The following MACROD2 variants were observed in gnomAD, a reference collection of about 807,000 sequenced individuals.
The protein encoded by MACROD2 is mono-ADP ribosylhydrolase 2.
MACROD2 carries 36 observed loss-of-function variants against 70.4 expected under a neutral mutation model. That is an observed-to-expected ratio of 0.51 (90% CI 0.39 to 0.68). The LOEUF (loss-of-function observed/expected upper bound fraction) is 0.68, where lower values mean the gene tolerates loss of function less well. Ranked by LOEUF, MACROD2 falls within the 30% of genes least tolerant of loss-of-function variation. The pLI is 0.00. For missense variants in MACROD2, 496 were observed against 538.4 expected, an observed-to-expected ratio of 0.92 and a Z score of 0.78; for synonymous variants, 172 against 178.8, an observed-to-expected ratio of 0.96 and a Z score of 0.30.
chr20:14,900,898 T>C (rs2122549313), intron 5 of MACROD2, among the ~76,000 whole-genome samples: 1 of 152,154 alleles, frequency 6.6e-6, no homozygotes, highest in East Asian at 1.9e-4. Context: ...TTTGTGGATG[T>C]GCTCTGAAAT....
intron 6 of MACROD2, among the ~76,000 whole-genome samples, chr20:15,397,952 G>A (rs868363892): frequency 8.5e-5 from 13 of 152,230 alleles, no homozygotes; most frequent in South Asian, 6.2e-4. Flanking sequence ...TTAGAGCAGA[G>A]AAAAACTATA....
At chr20:15,334,903 A>G (rs1386724777) in intron 6 of MACROD2, among the ~76,000 whole-genome samples, 1 of 151,718 alleles carries the variant, frequency 6.6e-6, no homozygotes, top group East Asian at 1.9e-4. Flanking sequence ...GATGAAACCA[A>G]TAAGGATACT....
chr20:15,988,855 T>A (rs577972738), intron 15 of MACROD2, among the ~76,000 whole-genome samples: 1 of 152,308 alleles, frequency 6.6e-6, no homozygotes, highest in African/African-American at 2.4e-5. Context: ...GTGTTTAAAT[T>A]TGAAATAATT....
chr20:14,384,602 C>T (rs931961289), intron 3 of MACROD2, among the ~76,000 whole-genome samples: 3 of 152,040 alleles, frequency 2.0e-5, no homozygotes, highest in Admixed American at 1.3e-4. Flanking sequence ...TGACCATCTG[C>T]CAAGTGTAAA....
chr20:16,016,221 A>G (rs901076711), intron 15 of MACROD2, among the ~76,000 whole-genome samples: 16 of 152,094 alleles, frequency 1.1e-4, no homozygotes, highest in Admixed American at 4.6e-4. Context: ...TTGGTTTTCT[A>G]CCTCTACAAA....
intron 3 of MACROD2, among the ~76,000 whole-genome samples, chr20:14,242,123 G>A (rs1010283686): frequency 2.0e-5 from 3 of 152,180 alleles, no homozygotes; most frequent in Non-Finnish European, 4.4e-5. Context: ...GTTCATTTGG[G>A]TTATTCAAAA....
At chr20:15,030,304 A>G (rs951658792) in intron 5 of MACROD2, among the ~76,000 whole-genome samples, 2 of 152,122 alleles carry the variant, frequency 1.3e-5, no homozygotes, top group Non-Finnish European at 2.9e-5. Flanking sequence ...CTACACAAAA[A>G]TTTTTAAAAA....
At chr20:15,641,639 A>G (rs947809448) in intron 8 of MACROD2, among the ~76,000 whole-genome samples, 1 of 152,220 alleles carries the variant, frequency 6.6e-6, no homozygotes, top group Non-Finnish European at 1.5e-5. Flanking sequence ...CTTCTATTTC[A>G]TCCTAACACA....
chr20:15,082,468 G>A (rs933832010), intron 5 of MACROD2, among the ~76,000 whole-genome samples: 3 of 150,892 alleles, frequency 2.0e-5, no homozygotes, highest in Non-Finnish European at 4.4e-5. Context: ...TGAAGTCATG[G>A]AGAAATCCTT....
At chr20:14,868,845 A>G (rs764485470) in intron 5 of MACROD2, among the ~76,000 whole-genome samples, 1 of 152,150 alleles carries the variant, frequency 6.6e-6, no homozygotes, top group Non-Finnish European at 1.5e-5. Flanking sequence ...GTATTGCCAT[A>G]TTGAACTGGA....
chr20:15,540,656 A>G (rs758462630), intron 8 of MACROD2, among the ~76,000 whole-genome samples: 6 of 152,224 alleles, frequency 3.9e-5, no homozygotes, highest in Non-Finnish European at 7.3e-5. Flanking sequence ...AGCTTAAACA[A>G]TAGAAACAAT....
intron 12 of MACROD2, among the ~76,000 whole-genome samples, chr20:15,950,473 A>G (rs1286379374): frequency 1.3e-5 from 2 of 152,202 alleles, no homozygotes; most frequent in African/African-American, 2.4e-5. Context: ...CCAACTGATC[A>G]TTGTAAATAA....
chr20:15,071,982 A>T (rs1167515470), intron 5 of MACROD2, among the ~76,000 whole-genome samples: 1 of 152,080 alleles, frequency 6.6e-6, no homozygotes, highest in African/African-American at 2.4e-5. Context: ...TTTAAGGGGG[A>T]AATGTGTTTT....
At chr20:15,398,204 A>T (rs1446644619) in intron 6 of MACROD2, among the ~76,000 whole-genome samples, 1 of 152,180 alleles carries the variant, frequency 6.6e-6, no homozygotes, top group Non-Finnish European at 1.5e-5. Flanking sequence ...TTCTATTCCT[A>T]TCTACTTTTT....
At chr20:14,282,477 A>G (rs1234623618) in intron 3 of MACROD2, among the ~76,000 whole-genome samples, 1 of 152,216 alleles carries the variant, frequency 6.6e-6, no homozygotes, top group Non-Finnish European at 1.5e-5. Flanking sequence ...GGCTTCTTAC[A>G]GCCTGATGGG....
At chr20:16,027,323 C>T (rs1024380432) in intron 15 of MACROD2, among the ~76,000 whole-genome samples, 1 of 152,128 alleles carries the variant, frequency 6.6e-6, no homozygotes, top group Non-Finnish European at 1.5e-5. Flanking sequence ...TGGTCATGGA[C>T]AAAGGTGATG....
At chr20:15,678,462 C>T (rs940451139) in intron 8 of MACROD2, among the ~76,000 whole-genome samples, 1 of 151,912 alleles carries the variant, frequency 6.6e-6, no homozygotes. Context: ...CGGGTTCACG[C>T]CATTCTCCTG....
At chr20:14,177,682 G>A (rs2081274398) in intron 3 of MACROD2, among the ~76,000 whole-genome samples, 1 of 152,076 alleles carries the variant, frequency 6.6e-6, no homozygotes, top group Non-Finnish European at 1.5e-5. Flanking sequence ...CAGTGAAATA[G>A]GATAGAATGT....
At chr20:15,284,119 T>C (rs1034716934) in intron 6 of MACROD2, among the ~76,000 whole-genome samples, 2 of 152,214 alleles carry the variant, frequency 1.3e-5, no homozygotes, top group South Asian at 4.1e-4. Flanking sequence ...ATTTTTAAAT[T>C]GTAACTTTTT....
Sources: gnomAD v4.1 joint callset for allele counts (sites outside exome capture counted in the v4.1 genomes callset) on GRCh38, gnomAD v4.1.1 for gene constraint, MANE v1.5 for transcripts, NCBI Gene and HGNC (gene_info 2026-07-23, HGNC 2026-07-21) for gene names.